Variants in SRRM4 observed in about 807,000 individuals in gnomAD.
The protein encoded by SRRM4 is serine/arginine repetitive matrix 4, also known as serine/arginine repetitive matrix protein 4.
In SRRM4, 33 loss-of-function variants were observed where a neutral mutation model predicts 68.9. The ratio of observed to expected loss-of-function variants is 0.48; its 90% CI spans 0.36 to 0.64. The LOEUF (loss-of-function observed/expected upper bound fraction) is 0.64. SRRM4 is among the 30% of genes least tolerant of loss of function. The pLI, the probability that SRRM4 is intolerant of heterozygous loss-of-function variation, is 0.00. For missense variants in SRRM4, 817 were observed against 827.1 expected, an observed-to-expected ratio of 0.99 and a Z score of 0.15; for synonymous variants, 318 against 318.8, an observed-to-expected ratio of 1.00 and a Z score of 0.03.
intron 1 of SRRM4, chr12:119,036,987 A>G (rs1390408070): frequency 1.3e-5 from 2 of 152,166 alleles, no homozygotes; most frequent in Non-Finnish European, 2.9e-5. Context: ...GAGGACACAC[A>G]AAGAAATTTC....
chr12:119,099,122 C>CTTA (rs60429184), intron 1 of SRRM4, among the ~76,000 whole-genome samples: 13,630 of 151,302 alleles, frequency 0.09, 671 homozygotes, highest in Middle Eastern at 0.15. Flanking sequence ...CTTGCTGTTC[C>CTTA]TTATTATTAT....
chr12:119,081,474 C>T (rs1216162363), intron 1 of SRRM4, among the ~76,000 whole-genome samples: 1 of 152,142 alleles, frequency 6.6e-6, no homozygotes, highest in Non-Finnish European at 1.5e-5. Flanking sequence ...GCAAAGAGAC[C>T]TGTGGGACCA....
intron 1 of SRRM4, among the ~76,000 whole-genome samples, chr12:119,011,664 T>C (rs1953450579): frequency 6.6e-6 from 1 of 152,212 alleles, no homozygotes; most frequent in Admixed American, 6.5e-5. Context: ...GGTTTGTGTC[T>C]CCTGCCTTCC....
intron 1 of SRRM4, among the ~76,000 whole-genome samples, chr12:119,032,257 A>G (rs1953596731): frequency 1.3e-5 from 2 of 152,262 alleles, no homozygotes; most frequent in South Asian, 2.1e-4. Context: ...GGAAATACCA[A>G]TCCTGTTATT....
intron 1 of SRRM4, among the ~76,000 whole-genome samples, chr12:119,051,517 G>A (rs937103067): frequency 3.3e-5 from 5 of 152,186 alleles, no homozygotes; most frequent in Admixed American, 6.5e-5. Context: ...TGAAAGTGGA[G>A]GGAATGAATC....
intron 2 of SRRM4, 80 bp from the exon 3 acceptor site, chr12:119,114,198 C>A: frequency 8.0e-7 from 1 of 1,243,852 alleles, no homozygotes; most frequent in Non-Finnish European, 1.2e-6. Context: ...GGACCTGGGT[C>A]CTTCCCTGGC....
At position 119,162,026 on chromosome 12, in the gene SRRM4, A is replaced by T. The variant is rs1345068833; in HGVS notation, c.*5228A>T. The T allele has an allele frequency of 6.6e-6, 1 of 152,164 alleles. No homozygotes were observed. Among genetic ancestry groups the T allele is most frequent in the Non-Finnish European group, 1.5e-5 (1 of 68,038 alleles). 9.4% of individuals were successfully genotyped at this position (152,164 alleles called of 1,614,324 possible). A position where few individuals can be genotyped will look rare whatever the true frequency, so the allele number is the denominator to read the frequency against. On this transcript the variant is annotated 3_prime_UTR_variant, in exon 13 of 13. Transcript: ENST00000267260. ...TTTGGCCTGTGTATCAGTCTGAATG[A>T]AATGGAATGGGTCTCTAGCCTCAGT...
chr12:119,091,534 G>C (rs757397624), intron 1 of SRRM4, among the ~76,000 whole-genome samples: 1 of 152,190 alleles, frequency 6.6e-6, no homozygotes, highest in South Asian at 2.1e-4. Flanking sequence ...AGTGTCGTCT[G>C]TTCCTGGAAA....
At position 119,145,444 on chromosome 12, in the gene SRRM4, C is replaced by T; in HGVS notation, c.835C>T (p.Arg279Ter). The change falls in exon 9 of 13, where the codon CGA becomes TGA. Residue 279 changes from arginine (R) to a stop codon, truncating the protein, a stop_gained. Transcript: ENST00000267260. LOFTEE classifies it high-confidence loss of function. The part of the protein sequence containing the change: ...TKTASPLTTS[R>*]GRSQEYDSGN... ...AACAGCCAGCCCGCTCACCACCTCG[C>T]GAGGACGTTCCCAGGAGTACGACTC... The T allele has an allele frequency of 6.2e-7, 1 of 1,607,220 alleles. No individual in the cohort carries two copies. The highest frequency in any genetic ancestry group is 1.1e-5 in the South Asian group (1 of 89,490).
At chr12:119,087,435 C>T (rs549290483) in intron 1 of SRRM4, among the ~76,000 whole-genome samples, 1 of 152,262 alleles carries the variant, frequency 6.6e-6, no homozygotes, top group East Asian at 1.9e-4. Flanking sequence ...CTCAGAAGCT[C>T]CCAGAGGTCC....
At chr12:119,155,855 AGTT>A (rs1304209296) in intron 12 of SRRM4, among the ~76,000 whole-genome samples, 6 of 152,222 alleles carry the variant, frequency 3.9e-5, no homozygotes, top group South Asian at 2.1e-4. Context: ...ACAAAATAGA[AGTT>A]GTTGGTATTA....
intron 2 of SRRM4, among the ~76,000 whole-genome samples, chr12:119,105,564 T>C (rs1954102781): frequency 6.6e-6 from 1 of 152,254 alleles, no homozygotes; most frequent in Non-Finnish European, 1.5e-5. Flanking sequence ...ATTTCTCTGA[T>C]GGCCCGTGAT....
chr12:119,005,455 A>G (rs1312955359), intron 1 of SRRM4, among the ~76,000 whole-genome samples: 1 of 152,096 alleles, frequency 6.6e-6, no homozygotes, highest in East Asian at 1.9e-4. Context: ...CTCGGAAGAG[A>G]CCTGGACATT....
chr12:119,051,442 C>G (rs77515449), intron 1 of SRRM4, among the ~76,000 whole-genome samples: 5,294 of 152,218 alleles, frequency 0.035, 141 homozygotes, highest in Non-Finnish European at 0.049. Context: ...CCCAAGCATG[C>G]AAGTTACAGG....
chr12:119,136,027 GAAAAA>G (rs11398305), intron 8 of SRRM4, among the ~76,000 whole-genome samples: 1 of 152,062 alleles, frequency 6.6e-6, no homozygotes, highest in African/African-American at 2.4e-5. Flanking sequence ...TGCTCTGTGT[GAAAAA>G]AAGTATCCCA....
At chr12:119,109,181 C>T (rs563982115) in intron 2 of SRRM4, among the ~76,000 whole-genome samples, 534 of 152,146 alleles carry the variant, frequency 3.5e-3, no homozygotes, top group Middle Eastern at 0.017. Flanking sequence ...GAGTTTCTGC[C>T]GAGAGATCAG....
At chr12:119,149,047 G>A (rs879186187) in intron 9 of SRRM4, among the ~76,000 whole-genome samples, 1 of 152,152 alleles carries the variant, frequency 6.6e-6, no homozygotes, top group Admixed American at 6.6e-5. Context: ...CTGTAAATCT[G>A]GGGGTAATAA....
chr12:119,111,716 T>C lies in SRRM4; in HGVS notation c.279-2562T>C, dbSNP rs146912113. Among the ~76,000 whole-genome samples, 136 of 152,324 alleles carry C rather than the reference T, an allele frequency of 8.9e-4. 1 individual carries two copies. The East Asian group carries it at 0.018, about 20-fold the overall frequency. On this transcript the variant is annotated intron_variant, in intron 2 of 12. Coordinates refer to ENST00000267260, the MANE Select transcript of SRRM4 (RefSeq NM_194286.4). Reference sequence around the variant, plus strand: ...TTTTGGTCACTCAGCAAATATTGATTAGGCTTTTGCCCTGTGACAAGCACT... The same window carrying C: ...TTTTGGTCACTCAGCAAATATTGATCAGGCTTTTGCCCTGTGACAAGCACT...
In SRRM4 at chr12:118,981,839, AC is replaced by A; in HGVS notation, c.-43del. ...CCCCGTTTGGAATCCACGTTTCAGCACTTTGGACAGCGCCCCGGACGCCCCG... is the reference window on the plus strand; with the variant it reads ...CCCCGTTTGGAATCCACGTTTCAGCATTTGGACAGCGCCCCGGACGCCCCG... On this transcript the variant is annotated 5_prime_UTR_variant, in exon 1 of 13. Coordinates refer to ENST00000267260, the MANE Select transcript of SRRM4 (RefSeq NM_194286.4). The A allele has an allele frequency of 6.3e-7, 1 of 1,595,582 alleles. No homozygotes were observed. The highest frequency in any genetic ancestry group is 8.5e-7 in the Non-Finnish European group (1 of 1,170,922).
Sources: allele counts gnomAD v4.1 joint callset (sites outside exome capture counted in the v4.1 genomes callset), GRCh38; gene constraint gnomAD v4.1.1; transcripts MANE v1.5; gene names NCBI Gene and HGNC (gene_info 2026-07-23, HGNC 2026-07-21).